DLC1: variants seen among roughly 807,000 people sequenced by gnomAD.
The protein encoded by DLC1 is DLC1 Rho GTPase activating protein, also known as rho GTPase-activating protein 7.
A neutral mutation model predicts 140.3 loss-of-function variants in DLC1; 54 were observed. The observed-to-expected ratio is 0.38, with a 90% CI of 0.31 to 0.48. The LOEUF is 0.48. DLC1 is among the 20% of genes least tolerant of loss of function. DLC1 has a pLI of 0.96. For synonymous variants in DLC1, 986 were observed against 728.1 expected (o/e 1.35, Z -5.70); for missense variants, 2,536 against 1,907.0 (o/e 1.33, Z -6.14).
At chr8:13,285,668 T>C (rs1175830698) in intron 5 of DLC1, among the ~76,000 whole-genome samples, 1 of 152,134 alleles carries the variant, frequency 6.6e-6, no homozygotes, top group Non-Finnish European at 1.5e-5. Context: ...GGAGAGAATG[T>C]GGAGCAACTG....
intron 1 of DLC1, among the ~76,000 whole-genome samples, chr8:13,588,420 G>C (rs1039659633): frequency 2.6e-5 from 4 of 152,026 alleles, no homozygotes; most frequent in African/African-American, 7.2e-5. Flanking sequence ...CAGTAGTTGA[G>C]AGCCAGAGAA....
intron 1 of DLC1, among the ~76,000 whole-genome samples, chr8:13,502,908 A>G (rs1232513405): frequency 2.0e-5 from 3 of 152,156 alleles, no homozygotes; most frequent in Non-Finnish European, 2.9e-5. Flanking sequence ...TCACTTCTTA[A>G]ATTCATGTGT....
intron 1 of DLC1, among the ~76,000 whole-genome samples, chr8:13,504,085 C>T (rs1801941532): frequency 6.6e-6 from 1 of 150,998 alleles, no homozygotes; most frequent in South Asian, 2.1e-4. Context: ...CACTAGTTAC[C>T]TTGGAGGGTA....
intron 1 of DLC1, among the ~76,000 whole-genome samples, chr8:13,563,990 A>G (rs1439257749): frequency 2.0e-5 from 3 of 152,184 alleles, no homozygotes. Flanking sequence ...ACACTTTATC[A>G]ATGTTTATAG....
At chr8:13,090,520 T>C in intron 14 of DLC1, 50 bp from the exon 15 acceptor site, 1 of 1,595,202 alleles carries the variant, frequency 6.3e-7, no homozygotes, top group Non-Finnish European at 8.6e-7. Context: ...CTGTACTCAA[T>C]CTCAATGCCC....
chr8:13,326,308 G>A (rs1346093240), intron 4 of DLC1, among the ~76,000 whole-genome samples: 1 of 152,156 alleles, frequency 6.6e-6, no homozygotes, highest in African/African-American at 2.4e-5. Context: ...ACTTATGGAA[G>A]GGTTGCATTT....
intron 5 of DLC1, among the ~76,000 whole-genome samples, chr8:13,139,853 G>C (rs935103704): frequency 6.6e-6 from 1 of 152,162 alleles, no homozygotes; most frequent in Non-Finnish European, 1.5e-5. Flanking sequence ...AAAGCAACTA[G>C]GCTACTTTCC....
At chr8:13,091,150 T>C (rs1563568829) in intron 14 of DLC1, among the ~76,000 whole-genome samples, 168 bp downstream of exon 14, 1 of 152,138 alleles carries the variant, frequency 6.6e-6, no homozygotes, top group Non-Finnish European at 1.5e-5. Flanking sequence ...CATGATTAAC[T>C]CTAGCTGATA....
Position 13,100,043 on chromosome 8 carries a change from A to G in DLC1, c.2294T>C (p.Leu765Pro), listed in dbSNP as rs1209085644. The G allele has an allele frequency of 1.9e-6, 3 of 1,613,166 alleles. No homozygotes were observed. The highest frequency in any genetic ancestry group is 2.5e-6 in the Non-Finnish European group (3 of 1,180,032). Residue 765 changes from leucine (L) to proline (P), a missense_variant, in exon 9 of 18, where the codon CTC becomes CCC. Physicochemically the swap from Leu to Pro is moderately conservative, Grantham distance 98 (BLOSUM62 -3). Coordinates refer to ENST00000276297, the MANE Select transcript of DLC1 (RefSeq NM_182643.3). ...TPSPVTRTRS[L>P]SACNKRVGMY... ...GCCCACCCGCTTGTTGCACGCACTG[A>G]GGCTCCGGGTCCTCGTAACAGGGCT...
Position 13,085,578 on chromosome 8 carries a change from T to A in DLC1, c.*233A>T. ...AATTTGAATAAGAATACACATAAAT[T>A]TTTTTTTTTTTTTTGCACAGTCTTA... On this transcript the variant is annotated 3_prime_UTR_variant, in exon 18 of 18. Transcript: ENST00000276297. 3.6e-6 allele frequency: 1 copy of A among 274,988 alleles called. No individual in the cohort carries two copies. Among genetic ancestry groups the A allele is most frequent in the Non-Finnish European group, 6.1e-6 (1 of 164,316 alleles). 17.0% of individuals were successfully genotyped at this position (274,988 alleles called of 1,614,324 possible). A position where few individuals can be genotyped will look rare whatever the true frequency, so the allele number is the denominator to read the frequency against.
chr8:13,499,600 G>C lies in DLC1; in HGVS notation c.472C>G (p.Gln158Glu). 3 of 1,614,134 alleles carry C rather than the reference G, an allele frequency of 1.9e-6. No homozygotes were observed. Among genetic ancestry groups the C allele is most frequent in the Non-Finnish European group, 2.5e-6 (3 of 1,180,004 alleles). Reference protein sequence around the residue: ...EKALPIIQSNQVSSNSWGIAG... With the variant: ...EKALPIIQSNEVSSNSWGIAG... ...ATTCCCCAGGAGTTAGAAGAAACTT[G>C]GTTACTTTGTATGATGGGCAGTGCC... is the stretch of plus-strand genomic sequence containing the variant. Residue 158 changes from glutamine to glutamate, a missense_variant, in exon 2 of 18, where the codon CAA (glutamine) becomes GAA (glutamate). Physicochemically the swap from Gln to Glu is conservative, Grantham distance 29. Coordinates refer to ENST00000276297, the MANE Select transcript of DLC1 (RefSeq NM_182643.3).
chr8:13,330,696 G>C (rs530025276), intron 4 of DLC1, among the ~76,000 whole-genome samples: 67 of 152,312 alleles, frequency 4.4e-4, no homozygotes, highest in South Asian at 1.2e-3. Context: ...CACACAGTGA[G>C]AGGGGATGAG....
At chr8:13,274,590 T>C (rs1831083741) in intron 5 of DLC1, among the ~76,000 whole-genome samples, 1 of 152,210 alleles carries the variant, frequency 6.6e-6, no homozygotes, top group Non-Finnish European at 1.5e-5. Flanking sequence ...ACTCCAAACA[T>C]AGTATTAATA....
At chr8:13,117,210 G>T (rs141427804) in intron 5 of DLC1, among the ~76,000 whole-genome samples, 1 of 152,126 alleles carries the variant, frequency 6.6e-6, no homozygotes, top group South Asian at 2.1e-4. Context: ...GGTGGCTTGC[G>T]CCTATAATCC....
rs71207163 is a variant in DLC1 at position 13,551,075 on chromosome 8, C to CACACACACACACT, written c.-125-50880_-125-50879insAGTGTGTGTGTGT. On this transcript the variant is annotated intron_variant, in intron 1 of 1. Transcript: ENST00000631382. ...ACACACACACACACACACACACACA[C>CACACACACACACT]TTTTTTTTTTTTTCCAAAGAACACT... Among the ~76,000 whole-genome samples the CACACACACACACT allele has an allele frequency of 2.8e-3, 337 of 121,680 alleles. 1 individual carries two copies. Among genetic ancestry groups the CACACACACACACT allele is most frequent in the Middle Eastern group, 9.4e-3 (2 of 212 alleles). 79.8% of individuals were successfully genotyped at this position (121,680 alleles called of 152,430 possible). A position where few individuals can be genotyped will look rare whatever the true frequency, so the allele number is the denominator to read the frequency against.
At chr8:13,577,037 G>T (rs569904086) in intron 1 of DLC1, among the ~76,000 whole-genome samples, 10 of 152,242 alleles carry the variant, frequency 6.6e-5, no homozygotes, top group Non-Finnish European at 1.0e-4. Context: ...CTCTGTGTTG[G>T]GCTTAGGGGC....
Position 13,499,275 on chromosome 8 carries a change from C to T in DLC1, c.797G>A (p.Gly266Glu). The T allele has an allele frequency of 3.1e-6, 5 of 1,614,104 alleles. No homozygotes were observed. Among genetic ancestry groups the T allele is most frequent in the Non-Finnish European group, 4.2e-6 (5 of 1,180,006 alleles). Residue 266 changes from glycine (G) to glutamate (E), a missense_variant, in exon 2 of 18, where the codon GGA becomes GAA. By Grantham distance (98) the Gly-to-Glu change is moderately conservative (BLOSUM62 -2). Coordinates refer to ENST00000276297, the MANE Select transcript of DLC1 (RefSeq NM_182643.3). ...EFLDTPCTNRGLPLLKTDFGS... is the reference protein window; with the variant it reads ...EFLDTPCTNRELPLLKTDFGS... ...AAAATCTGTTTTTAATAATGGCAGTCCTCTGTTTGTGCAAGGAGTATCCAA... is the reference window on the plus strand; with the variant it reads ...AAAATCTGTTTTTAATAATGGCAGTTCTCTGTTTGTGCAAGGAGTATCCAA...
intron 5 of DLC1, chr8:13,133,111 G>T (rs1178826072): frequency 1.4e-5 from 21 of 1,474,302 alleles, no homozygotes; most frequent in Non-Finnish European, 1.8e-5. Flanking sequence ...ATCCTTGCTC[G>T]CCGCTCCCTG....
At chr8:13,566,138 C>A (rs1056944298) in intron 1 of DLC1, among the ~76,000 whole-genome samples, 12 of 152,026 alleles carry the variant, frequency 7.9e-5, no homozygotes, top group Non-Finnish European at 1.3e-4. Flanking sequence ...GATACTCATA[C>A]AATCACATAG....
Sources: allele counts gnomAD v4.1 joint callset (sites outside exome capture counted in the v4.1 genomes callset), GRCh38; gene constraint gnomAD v4.1.1; transcripts MANE v1.5; gene names NCBI Gene and HGNC (gene_info 2026-07-23, HGNC 2026-07-21).